Variants in PITRM1 observed in about 807,000 individuals in gnomAD.
PITRM1 encodes the protein pitrilysin metallopeptidase 1.
A neutral mutation model predicts 129.9 loss-of-function variants in PITRM1; 100 were observed. The observed-to-expected ratio is 0.77, with a 90% CI of 0.65 to 0.91. PITRM1 has a LOEUF of 0.91. Ranked by LOEUF, PITRM1 falls within the 40% of genes least tolerant of loss-of-function variation. The pLI, the probability that PITRM1 is intolerant of heterozygous loss-of-function variation, is 0.00. For synonymous variants in PITRM1, 591 were observed against 508.8 expected (o/e 1.16, Z -2.17); for missense variants, 1,471 against 1,318.3 (o/e 1.12, Z -1.79).
chr10:3,154,177 G>A (rs1390114198), intron 14 of PITRM1, among the ~76,000 whole-genome samples: 9 of 152,200 alleles, frequency 5.9e-5, no homozygotes, highest in Admixed American at 1.3e-4. Context: ...GGGAAGCTTC[G>A]AGATGCACCA....
intron 26 of PITRM1, 43 bp from the exon 27 acceptor site, chr10:3,138,167 G>GT (rs1564376520): frequency 6.4e-7 from 1 of 1,568,748 alleles, no homozygotes; most frequent in East Asian, 2.2e-5. Flanking sequence ...TGGCTTCTGC[G>GT]TGAGCGCTGT....
chr10:3,138,505 T>A, intron 25 of PITRM1, 168 bp from the exon 26 acceptor site: 1 of 639,014 alleles, frequency 1.6e-6, no homozygotes, highest in Non-Finnish European at 2.8e-6. Flanking sequence ...GACCTCCAGC[T>A]CCCACGTGCC....
rs1588736135 is a variant in PITRM1 at position 3,171,146 on chromosome 10, T to TAAAAAAAAAACA, written c.57-941_57-940insTGTTTTTTTTTT. ...GATAAAGTGCGGACTAATCGTTCAA[T>TAAAAAAAAAACA]TAAAAAAAAAAAAAAAAAAAAAAAA... On this transcript the variant is annotated intron_variant, in intron 1 of 26. Transcript: ENST00000224949. Among the ~76,000 whole-genome samples, 5 of 36,240 alleles carry TAAAAAAAAAACA rather than the reference T, an allele frequency of 1.4e-4. 1 individual carries two copies. 23.8% of individuals were successfully genotyped at this position (36,240 alleles called of 152,430 possible).
chr10:3,145,449 T>C, intron 21 of PITRM1, 147 bp downstream of exon 21: 1 of 678,830 alleles, frequency 1.5e-6, no homozygotes. Context: ...TTAATCCTCC[T>C]GAACCTCAGT....
intron 7 of PITRM1, 28 bp from the exon 8 acceptor site, chr10:3,160,358 CTG>C: frequency 6.4e-7 from 1 of 1,570,360 alleles, no homozygotes; most frequent in Non-Finnish European, 8.8e-7. Flanking sequence ...TATAATTAGT[CTG>C]TTTTAGTTTA....
intron 21 of PITRM1, 62 bp downstream of exon 21, chr10:3,145,534 A>C: frequency 1.4e-6 from 2 of 1,437,460 alleles, no homozygotes; most frequent in South Asian, 2.5e-5. Flanking sequence ...TGCGTGTAAA[A>C]CATGAGAGCT....
rs1725190010 is a variant in PITRM1 at position 3,144,290 on chromosome 10, A to T, written c.2532+2T>A. The stretch of plus-strand genomic sequence containing the variant: ...GCAACCCGGATGGGCTGTGGTTCTT[A>T]CCATGACCAGCTTCCTAATGACCTG... On this transcript the variant is annotated splice_donor_variant, in intron 22 of 26. Coordinates refer to ENST00000224949, the MANE Select transcript of PITRM1 (RefSeq NM_014889.4). LOFTEE classifies it high-confidence loss of function. 1.9e-6 allele frequency: 3 copies of T among 1,547,374 alleles called. No homozygotes were observed. Among genetic ancestry groups the T allele is most frequent in the Non-Finnish European group, 2.6e-6 (3 of 1,141,222 alleles).
At chr10:3,159,988 C>T in intron 8 of PITRM1, 52 bp from the exon 9 acceptor site, 1 of 1,352,536 alleles carries the variant, frequency 7.4e-7, no homozygotes, top group South Asian at 1.2e-5. Flanking sequence ...CGGTTGTCAA[C>T]TACTCTAGGT....
At chr10:3,150,279 A>G (rs1383066694) in intron 15 of PITRM1, among the ~76,000 whole-genome samples, 1 of 152,234 alleles carries the variant, frequency 6.6e-6, no homozygotes, top group Admixed American at 6.5e-5. Flanking sequence ...CGGAGGGACC[A>G]AGGTGCGGAA....
At chr10:3,148,928 A>G (rs577556436) in intron 16 of PITRM1, 1 of 152,492 alleles carries the variant, frequency 6.6e-6, no homozygotes, top group East Asian at 1.9e-4. Context: ...ACATTTTTCC[A>G]TCTGAGCGGA....
intron 25 of PITRM1, 114 bp downstream of exon 25, chr10:3,138,790 A>C: frequency 1.0e-6 from 1 of 966,238 alleles, no homozygotes; most frequent in Non-Finnish European, 1.7e-6. Context: ...ATCACAAGCA[A>C]GGATGGAGGC....
chr10:3,154,255 T>C (rs1288305588), intron 14 of PITRM1, among the ~76,000 whole-genome samples: 2 of 152,204 alleles, frequency 1.3e-5, no homozygotes, highest in Non-Finnish European at 2.9e-5. Context: ...GATGTATATG[T>C]TGATGGAAAT....
intron 20 of PITRM1, chr10:3,146,115 G>A: frequency 5.5e-6 from 1 of 182,266 alleles, no homozygotes; most frequent in Non-Finnish European, 1.2e-5. Flanking sequence ...TGTTAAAGCA[G>A]AACATTATAA....
chr10:3,151,842 C>T (rs1338970459), intron 14 of PITRM1, among the ~76,000 whole-genome samples: 1 of 152,114 alleles, frequency 6.6e-6, no homozygotes, highest in East Asian at 1.9e-4. Flanking sequence ...CTCAAGTGAT[C>T]CTTCTGCCTT....
Position 3,158,106 on chromosome 10 carries a change from C to T in PITRM1, c.1184G>A (p.Gly395Glu). Reference protein sequence around the residue: ...REAYFSVGLQGIAEKDIETVR... With the variant: ...REAYFSVGLQEIAEKDIETVR... ...GGTCTCAATGTCTTTCTCCGCAATC[C>T]CTTGGAGGCCGACACTAAAGTAGGC... Residue 395 changes from glycine (G) to glutamate (E), a missense_variant, in exon 11 of 27, where the codon GGG becomes GAG. Transcript: ENST00000224949. The T allele has an allele frequency of 1.2e-6, 2 of 1,610,860 alleles. No individual in the cohort carries two copies. Among genetic ancestry groups the T allele is most frequent in the South Asian group, 2.2e-5 (2 of 90,688 alleles).
chr10:3,148,268 T>C lies in PITRM1; in HGVS notation c.1895A>G (p.Tyr632Cys), dbSNP rs746307158. 1.2e-6 allele frequency: 2 copies of C among 1,613,212 alleles called. No individual in the cohort carries two copies. The highest frequency in any genetic ancestry group is 4.5e-5 in the East Asian group (2 of 44,872). The change falls in exon 17 of 27, where the codon TAC becomes TGC. Residue 632 changes from tyrosine to cysteine, a missense_variant. Transcript: ENST00000224949. Reference protein sequence around the residue: ...LTKLGCGLLDYREQAQQIELK... With the variant: ...LTKLGCGLLDCREQAQQIELK... ...TTCTATCTGCTGAGCCTGCTCCCGG[T>C]AGTCAAGAAGGCCGCAGCCCAGCCT...
intron 23 of PITRM1, chr10:3,142,951 C>T (rs1732750431): frequency 6.1e-6 from 1 of 164,702 alleles, no homozygotes; most frequent in African/African-American, 2.4e-5. Context: ...TCCGGGTCAC[C>T]TCCCACTCTT....
At chr10:3,158,837 G>A in intron 10 of PITRM1, 77 bp downstream of exon 10, 2 of 1,339,742 alleles carry the variant, frequency 1.5e-6, no homozygotes, top group Non-Finnish European at 1.0e-6. Context: ...GTGGGGCCGG[G>A]ACAGGGTGCG....
At chr10:3,171,160 A>ACAAAAACAAAAACAAAAAC (rs1843312618) in intron 1 of PITRM1, among the ~76,000 whole-genome samples, 1 of 123,962 alleles carries the variant, frequency 8.1e-6, no homozygotes, top group African/African-American at 3.8e-5. Flanking sequence ...AAAAAAAAAA[A>ACAAAAACAAAAACAAAAAC]AAAAAAAAAA....
Sources: allele counts gnomAD v4.1 joint callset (sites outside exome capture counted in the v4.1 genomes callset), GRCh38; gene constraint gnomAD v4.1.1; transcripts MANE v1.5; gene names NCBI Gene and HGNC (gene_info 2026-07-23, HGNC 2026-07-21).